The following CELSR1 variants were observed in gnomAD, a reference collection of about 807,000 sequenced individuals.
CELSR1 encodes cadherin EGF LAG seven-pass G-type receptor 1.
A neutral mutation model predicts 249.1 loss-of-function variants in CELSR1; 110 were observed. The ratio of observed to expected loss-of-function variants is 0.44; its 90% CI spans 0.38 to 0.52. The LOEUF is 0.52. Among genes scored for constraint, CELSR1 ranks in the 20% least tolerant of loss-of-function variants. CELSR1 has a pLI of 0.00. For synonymous variants in CELSR1, 2,113 were observed against 1,900.0 expected, an observed-to-expected ratio of 1.11 and a Z score of -2.92; for missense variants, 4,109 against 4,296.4, an observed-to-expected ratio of 0.96 and a Z score of 1.22.
At chr22:46,368,543 T>C (rs1308581350) in intron 27 of CELSR1, among the ~76,000 whole-genome samples, 1 of 151,378 alleles carries the variant, frequency 6.6e-6, no homozygotes, top group East Asian at 2.0e-4. Context: ...GCGCAAGCAT[T>C]ATCCCTTCGC....
chr22:46,415,567 G>A (rs1457331553), intron 5 of CELSR1, among the ~76,000 whole-genome samples: 3 of 151,582 alleles, frequency 2.0e-5, no homozygotes, highest in Non-Finnish European at 4.4e-5. Flanking sequence ...GAATATACTA[G>A]AAGCCCCTTT....
Position 46,395,346 on chromosome 22 carries a change from G to A in CELSR1, c.5844-1084C>T, listed in dbSNP as rs1401244429. ...TGCCACTTTAGTGCTGGGCCCCCAC[G>A]GCCTCCACACAGCCGAATTCTGTTC... On this transcript the variant is annotated intron_variant, in intron 13 of 34. Transcript: ENST00000674500. This position sits in a 1 kb window ranked among gnomAD's most constrained non-coding sequence, Gnocchi z 5.5. Among the ~76,000 whole-genome samples, 2 of 152,100 alleles carry A rather than the reference G, an allele frequency of 1.3e-5. No individual in the cohort carries two copies. The highest frequency in any genetic ancestry group is 2.4e-5 in the African/African-American group (1 of 41,412).
chr22:46,449,703 T>C (rs3788688), intron 2 of CELSR1, among the ~76,000 whole-genome samples: 16,180 of 152,102 alleles, frequency 0.11, 922 homozygotes, highest in Admixed American at 0.2. Flanking sequence ...TGAAGAGTTA[T>C]AGCAGATGGA....
chr22:46,366,911 G>A, intron 29 of CELSR1, 82 bp downstream of exon 29: 1 of 1,512,342 alleles, frequency 6.6e-7, no homozygotes, highest in Non-Finnish European at 8.8e-7. Flanking sequence ...CCGCAGGACT[G>A]GGGCTGAGGC....
chr22:46,481,898 G>A lies in CELSR1; in HGVS notation c.3545-17553C>T, dbSNP rs371594777. ...AGAGATTCTCCTGCCTCAGCCTCCC[G>A]AGTAGCTGGGATTACAGGCATGTGC... On this transcript the variant is annotated intron_variant, in intron 1 of 34. Transcript: ENST00000674500. 7.3e-5 allele frequency: 13 copies of A among 177,298 alleles called. No individual in the cohort carries two copies. The East Asian group carries it at 1.0e-3, about 14-fold the overall frequency. 11.0% of individuals were successfully genotyped at this position (177,298 alleles called of 1,614,324 possible).
At chr22:46,419,647 C>T (rs778660258) in intron 5 of CELSR1, among the ~76,000 whole-genome samples, 1 of 151,312 alleles carries the variant, frequency 6.6e-6, no homozygotes, top group Non-Finnish European at 1.5e-5. Flanking sequence ...GGCTACAGTT[C>T]CCTCGAAAAT....
chr22:46,444,908 G>T (rs2079800388), intron 2 of CELSR1, among the ~76,000 whole-genome samples: 1 of 152,178 alleles, frequency 6.6e-6, no homozygotes, highest in African/African-American at 2.4e-5. Context: ...TCTCCTTCCT[G>T]TTATTAAAGA....
At chr22:46,372,329 CA>C in intron 25 of CELSR1, among the ~76,000 whole-genome samples, 1 of 148,202 alleles carries the variant, frequency 6.7e-6, no homozygotes, top group Non-Finnish European at 1.5e-5. Flanking sequence ...TCCACTCACT[CA>C]CCCCATCTAT....
rs776245258 is a variant in CELSR1 at position 46,411,691 on chromosome 22, A to G, written c.4680T>C (p.Asp1560=). 2 of 1,614,094 alleles carry G rather than the reference A, an allele frequency of 1.2e-6. No individual in the cohort carries two copies. Among genetic ancestry groups the G allele is most frequent in the Admixed American group, 1.7e-5 (1 of 60,010 alleles). The stretch of plus-strand genomic sequence containing the variant: ...GCACAGCCATGGTTGTGTCACAATC[A>G]TCCACTGTCACCACGGCCATCTTTT... ...SGEKMAVVTV[D]DCDTTMAVRF... The change falls in exon 6 of 35, where the codon GAT becomes GAC. Residue 1560 remains aspartate (D), a synonymous_variant. Coordinates refer to ENST00000674500, the MANE Select transcript of CELSR1 (RefSeq NM_001378328.1). The surrounding 1 kb of genome is among the most constrained non-coding windows in gnomAD (Gnocchi z 4.2).
At chr22:46,509,495 GC>G (rs1363602117) in intron 1 of CELSR1, among the ~76,000 whole-genome samples, 1 of 20,752 alleles carries the variant, frequency 4.8e-5, no homozygotes, top group Non-Finnish European at 1.3e-4. Flanking sequence ...CCAGAGGGCA[GC>G]CCACTTCCAT....
chr22:46,536,693 G>A lies in CELSR1; in HGVS notation c.478C>T (p.Pro160Ser). The change falls in exon 1 of 35, where the codon CCG (proline) becomes TCG (serine). Residue 160 changes from proline to serine, a missense_variant. By Grantham distance (74) the Pro-to-Ser change is moderately conservative (BLOSUM62 -1). Transcript: ENST00000674500. ...CCGGGACAGCGGGGCCTGGGGCGCG[G>A]CGGGCAGCGGCAGGCGGGTAAGGTG... is the stretch of plus-strand genomic sequence containing the variant. Reference protein sequence around the residue: ...PTTLPACRCPPRPRPRCPGRP... With the variant: ...PTTLPACRCPSRPRPRCPGRP... The A allele has an allele frequency of 8.5e-7, 1 of 1,171,780 alleles. No individual in the cohort carries two copies. The highest frequency in any genetic ancestry group is 4.0e-5 in the South Asian group (1 of 25,044). The allele number at this position is 1,171,780 out of a possible 1,614,324, so 72.6% of individuals were successfully genotyped here.
chr22:46,439,206 G>A lies in CELSR1; in HGVS notation c.4389C>T (p.His1463=). 6.2e-7 allele frequency: 1 copy of A among 1,613,638 alleles called. No homozygotes were observed. Among genetic ancestry groups the A allele is most frequent in the Non-Finnish European group, 8.5e-7 (1 of 1,179,636 alleles). ...VTFRGLRQRF[H]FTISLTFATQ... ...ACACTCACGTGAGGGAGATGGTGAAGTGGAAGCGCTGTCTCAGGCCCCGGA... is the reference window on the plus strand; with the variant it reads ...ACACTCACGTGAGGGAGATGGTGAAATGGAAGCGCTGTCTCAGGCCCCGGA... Residue 1463 remains histidine (H), a synonymous_variant, in exon 3 of 35, where the codon CAC becomes CAT. Coordinates refer to ENST00000674500, the MANE Select transcript of CELSR1 (RefSeq NM_001378328.1).
Position 46,363,439 on chromosome 22 carries a change from C to G in CELSR1, c.9036-192G>C, listed in dbSNP as rs1262650749. The stretch of plus-strand genomic sequence containing the variant: ...AGGCAGGAGAGGGGACCAGGACCAG[C>G]CTGTGGGCCTCTGTGTTGCTGGTCT... On this transcript the variant is annotated intron_variant, in intron 34 of 34. Transcript: ENST00000674500. The surrounding 1 kb of genome is among the most constrained non-coding windows in gnomAD (Gnocchi z 4.3). The G allele has an allele frequency of 3.6e-6, 2 of 559,036 alleles. No homozygotes were observed. Among genetic ancestry groups the G allele is most frequent in the Non-Finnish European group, 6.4e-6 (2 of 311,636 alleles). The allele number at this position is 559,036 out of a possible 1,614,324, so 34.6% of individuals were successfully genotyped here.
At position 46,462,002 on chromosome 22, in the gene CELSR1, G is replaced by A. The variant is rs377287937; in HGVS notation, c.4183+1705C>T. ...CACAGAACAGGAATCCACTGAAAGA[G>A]CAGAGGAGGGGGCCTGGTTCAGGCC... On this transcript the variant is annotated intron_variant, in intron 2 of 34. Coordinates refer to ENST00000674500, the MANE Select transcript of CELSR1 (RefSeq NM_001378328.1). 5.3e-5 allele frequency among the ~76,000 whole-genome samples: 8 copies of A among 152,372 alleles called. No homozygotes were observed. In the East Asian group the frequency reaches 1.5e-3, roughly 29 times the overall value.
At chr22:46,369,100 C>A in intron 27 of CELSR1, 79 bp downstream of exon 27, 5 of 1,441,784 alleles carry the variant, frequency 3.5e-6, no homozygotes, top group South Asian at 1.2e-5. Context: ...TCTCATGGGG[C>A]CCCACCCCGC....
Position 46,367,125 on chromosome 22 carries a change from G to A in CELSR1, c.8080-7C>T. The A allele has an allele frequency of 1.2e-6, 2 of 1,609,492 alleles. No homozygotes were observed. On this transcript the variant is annotated splice_polypyrimidine_tract_variant and splice_region_variant and intron_variant, in intron 28 of 34. Transcript: ENST00000674500. The stretch of plus-strand genomic sequence containing the variant: ...AAAGGAGGACGAAGGGGCCCTGGAG[G>A]GAGGAAGGTGGGGTCAGCACCTGCT...
At chr22:46,507,594 C>T (rs1321389313) in intron 1 of CELSR1, among the ~76,000 whole-genome samples, 5 of 152,188 alleles carry the variant, frequency 3.3e-5, no homozygotes, top group East Asian at 1.9e-4. Flanking sequence ...CACCAGGCCA[C>T]GTGCACCCCT....
rs556658483 is a variant in CELSR1, at chr22:46,390,766, G to T, written c.6251-280C>A. 6.6e-6 allele frequency among the ~76,000 whole-genome samples: 1 copy of T among 152,192 alleles called. No homozygotes were observed. The highest frequency in any genetic ancestry group is 1.5e-5 in the Non-Finnish European group (1 of 68,038). ...AAAGAAATCAGCAACACCATCTGCCGGCAGCCACGATCCCATGCACCAGGA... is the reference window on the plus strand; with the variant it reads ...AAAGAAATCAGCAACACCATCTGCCTGCAGCCACGATCCCATGCACCAGGA... On this transcript the variant is annotated intron_variant, in intron 16 of 34. Coordinates refer to ENST00000674500, the MANE Select transcript of CELSR1 (RefSeq NM_001378328.1). The surrounding 1 kb of genome is among the most constrained non-coding windows in gnomAD (Gnocchi z 6.3).
intron 1 of CELSR1, among the ~76,000 whole-genome samples, chr22:46,487,422 A>T (rs1344359784): frequency 6.8e-6 from 1 of 147,816 alleles, no homozygotes; most frequent in African/African-American, 2.5e-5. Flanking sequence ...CCCTGTGTGT[A>T]CGAGGCTGAG....
Sources: allele counts gnomAD v4.1 joint callset (sites outside exome capture counted in the v4.1 genomes callset), GRCh38; gene constraint gnomAD v4.1.1; non-coding constraint Gnocchi (gnomAD v3.1); transcripts MANE v1.5; gene names NCBI Gene and HGNC (gene_info 2026-07-23, HGNC 2026-07-21).